The following SORCS1 variants were observed in gnomAD, a reference collection of about 807,000 sequenced individuals.
SORCS1 encodes sortilin related VPS10 domain containing receptor 1.
A neutral mutation model predicts 146.1 loss-of-function variants in SORCS1; 60 were observed. The ratio of observed to expected loss-of-function variants is 0.41; its 90% CI spans 0.33 to 0.51. The LOEUF (loss-of-function observed/expected upper bound fraction) is 0.51. Among genes scored for constraint, SORCS1 ranks in the 20% least tolerant of loss-of-function variants. SORCS1 has a pLI of 0.21. For missense variants in SORCS1, 1,352 were observed against 1,487.6 expected, an observed-to-expected ratio of 0.91 and a Z score of 1.50; for synonymous variants, 637 against 584.0, an observed-to-expected ratio of 1.09 and a Z score of -1.31.
intron 6 of SORCS1, among the ~76,000 whole-genome samples, chr10:106,715,071 A>G (rs1010457361): frequency 7.9e-5 from 12 of 152,126 alleles, no homozygotes; most frequent in African/African-American, 2.7e-4. Context: ...TCTCCTCCTA[A>G]TGGAAAACAG....
chr10:106,900,088 C>T (rs748325129), intron 2 of SORCS1, among the ~76,000 whole-genome samples: 2 of 152,014 alleles, frequency 1.3e-5, no homozygotes, highest in Non-Finnish European at 2.9e-5. Flanking sequence ...CTTCCCAAAC[C>T]GCACACTAAA....
intron 8 of SORCS1, among the ~76,000 whole-genome samples, chr10:106,701,342 G>A (rs1393212728): frequency 6.6e-6 from 1 of 152,080 alleles, no homozygotes; most frequent in Non-Finnish European, 1.5e-5. Context: ...CACAAGAAAT[G>A]AGCTTTTAGA....
intron 2 of SORCS1, among the ~76,000 whole-genome samples, chr10:106,856,492 G>A (rs1949792437): frequency 6.6e-6 from 1 of 152,190 alleles, no homozygotes; most frequent in Admixed American, 6.5e-5. Context: ...CCCCTAGTCA[G>A]TTATGGTCTG....
intron 4 of SORCS1, among the ~76,000 whole-genome samples, chr10:106,763,623 T>C (rs1232048294): frequency 2.0e-5 from 3 of 152,172 alleles, no homozygotes; most frequent in Non-Finnish European, 4.4e-5. Flanking sequence ...TTCAAGACTT[T>C]CCTTCTTCAA....
chr10:106,590,587 A>T (rs1284045826), intron 24 of SORCS1, among the ~76,000 whole-genome samples: 1 of 152,192 alleles, frequency 6.6e-6, no homozygotes, highest in Non-Finnish European at 1.5e-5. Flanking sequence ...AATGGTGTGC[A>T]TTAGATTCAG....
chr10:106,665,388 C>CT (rs35223659), intron 17 of SORCS1, among the ~76,000 whole-genome samples: 1,351 of 134,970 alleles, frequency 0.01, 27 homozygotes, highest in African/African-American at 0.027. Flanking sequence ...TTCTCTCTCT[C>CT]TTTTTTTTTT....
chr10:107,073,322 C>T (rs1281847833), intron 1 of SORCS1, among the ~76,000 whole-genome samples: 1 of 152,108 alleles, frequency 6.6e-6, no homozygotes, highest in Non-Finnish European at 1.5e-5. Context: ...GATGAATCTC[C>T]ATAGGCATTC....
At chr10:106,794,541 C>T (rs1946456967) in intron 3 of SORCS1, among the ~76,000 whole-genome samples, 2 of 139,896 alleles carry the variant, frequency 1.4e-5, no homozygotes, top group Non-Finnish European at 3.0e-5. Context: ...CTCGCACTGT[C>T]GCCCAGGCTG....
At chr10:106,579,880 A>C (rs1191264035) in intron 24 of SORCS1, among the ~76,000 whole-genome samples, 1 of 152,190 alleles carries the variant, frequency 6.6e-6, no homozygotes, top group Non-Finnish European at 1.5e-5. Flanking sequence ...TGCCAGGCAC[A>C]TAGTAAGTCA....
chr10:106,835,461 C>T (rs187209215), intron 2 of SORCS1, among the ~76,000 whole-genome samples: 51 of 152,198 alleles, frequency 3.4e-4, no homozygotes, highest in Non-Finnish European at 6.2e-4. Flanking sequence ...CAATGAAAAC[C>T]CCAACCACTG....
At chr10:106,988,286 TGTTA>T (rs947904628) in intron 1 of SORCS1, among the ~76,000 whole-genome samples, 53 of 152,310 alleles carry the variant, frequency 3.5e-4, no homozygotes, top group Middle Eastern at 3.4e-3. Flanking sequence ...GCTTTAAAAT[TGTTA>T]TTTTTTCAGA....
chr10:106,809,289 G>A (rs1947341810), intron 3 of SORCS1, among the ~76,000 whole-genome samples: 2 of 152,146 alleles, frequency 1.3e-5, no homozygotes, highest in East Asian at 1.9e-4. Flanking sequence ...TGGAAATGAA[G>A]TTGACCTTGG....
Position 106,574,363 on chromosome 10 carries a change from A to G in SORCS1, c.*3057T>C, listed in dbSNP as rs1472737884. 2 of 152,120 alleles carry G rather than the reference A, an allele frequency of 1.3e-5. No homozygotes were observed. Among genetic ancestry groups the G allele is most frequent in the Non-Finnish European group, 2.9e-5 (2 of 67,942 alleles). The allele number at this position is 152,120 out of a possible 1,614,324, so 9.4% of individuals were successfully genotyped here. ...GCCCTGAATCTTACCTTCCACATAC[A>G]TCCCTCCCTACACACTCCTCTGACC... On this transcript the variant is annotated 3_prime_UTR_variant, in exon 26 of 26. Transcript: ENST00000263054.
chr10:107,057,337 G>T (rs1960742416), intron 1 of SORCS1, among the ~76,000 whole-genome samples: 1 of 152,158 alleles, frequency 6.6e-6, no homozygotes, highest in Admixed American at 6.5e-5. Flanking sequence ...ACACAACTCA[G>T]TATCTAGGTT....
At chr10:106,600,419 CA>C (rs2133338291) in intron 23 of SORCS1, 2 of 981,848 alleles carry the variant, frequency 2.0e-6, no homozygotes, top group Non-Finnish European at 2.4e-6. Flanking sequence ...CATAAGAAAA[CA>C]AAACTAAATA....
At chr10:107,059,506 C>T (rs1404346047) in intron 1 of SORCS1, among the ~76,000 whole-genome samples, 2 of 152,136 alleles carry the variant, frequency 1.3e-5, no homozygotes, top group African/African-American at 4.8e-5. Flanking sequence ...GCCCAGATGA[C>T]AGAAGAGATG....
intron 1 of SORCS1, among the ~76,000 whole-genome samples, chr10:106,968,635 C>T (rs1486339213): frequency 6.6e-6 from 1 of 152,152 alleles, no homozygotes; most frequent in Non-Finnish European, 1.5e-5. Context: ...AAGGTTAACA[C>T]AAGACACTTG....
At chr10:107,103,876 T>C (rs1350902564) in intron 1 of SORCS1, among the ~76,000 whole-genome samples, 2 of 152,156 alleles carry the variant, frequency 1.3e-5, no homozygotes, top group Non-Finnish European at 2.9e-5. Context: ...GTGGGCTTCA[T>C]TTTAGAGCCA....
At chr10:107,056,123 C>CG (rs140424847) in intron 1 of SORCS1, among the ~76,000 whole-genome samples, 9 of 151,922 alleles carry the variant, frequency 5.9e-5, no homozygotes, top group South Asian at 4.2e-4. Context: ...GTAAAAGTGT[C>CG]GGGGGGGCTT....
Sources: gnomAD v4.1 joint callset for allele counts (sites outside exome capture counted in the v4.1 genomes callset) on GRCh38, gnomAD v4.1.1 for gene constraint, MANE v1.5 for transcripts, NCBI Gene and HGNC (gene_info 2026-07-23, HGNC 2026-07-21) for gene names.